The following AGPAT4 variants were observed in gnomAD, a reference collection of about 807,000 sequenced individuals.
AGPAT4 encodes 1-acylglycerol-3-phosphate O-acyltransferase 4, also known as 1-acyl-sn-glycerol-3-phosphate acyltransferase delta.
A neutral mutation model predicts 48.0 loss-of-function variants in AGPAT4; 15 were observed. The observed-to-expected ratio is 0.31, with a 90% confidence interval of 0.21 to 0.48. The LOEUF (loss-of-function observed/expected upper bound fraction) is 0.48, where lower values mean the gene tolerates loss of function less well. Ranked by LOEUF, AGPAT4 falls within the 20% of genes least tolerant of loss-of-function variation. The pLI, the probability that AGPAT4 is intolerant of heterozygous loss-of-function variation, is 0.99. For missense variants in AGPAT4, 314 were observed against 482.5 expected (o/e 0.65, Z 3.27); for synonymous variants, 178 against 198.7 (o/e 0.90, Z 0.88).
rs1431597617 is a variant in AGPAT4, at chr6:161,204,245, GTCTA to G, written c.178+27787_178+27790del. 6.6e-6 allele frequency among the ~76,000 whole-genome samples: 1 copy of G among 152,116 alleles called. No individual in the cohort carries two copies. Among genetic ancestry groups the G allele is most frequent in the African/African-American group, 2.4e-5 (1 of 41,432 alleles). On this transcript the variant is annotated intron_variant, in intron 2 of 8. Transcript: ENST00000320285. The surrounding 1 kb of genome is among the most constrained non-coding windows in gnomAD (Gnocchi z 4.4). The stretch of plus-strand genomic sequence containing the variant: ...GATTTGTGTGTTTATTAATAATTTT[GTCTA>G]TCTTTCTATATAAAGGTAGTGTATA...
At chr6:161,252,833 G>T (rs769790935) in intron 1 of AGPAT4, among the ~76,000 whole-genome samples, 15 of 151,828 alleles carry the variant, frequency 9.9e-5, no homozygotes, top group Admixed American at 2.0e-4. Context: ...ATACAATTAA[G>T]TCAGAACAGA....
Position 161,149,528 on chromosome 6 carries a change from A to T in AGPAT4, c.665-239T>A, listed in dbSNP as rs1779528524. On this transcript the variant is annotated intron_variant, in intron 5 of 8. Coordinates refer to ENST00000320285, the MANE Select transcript of AGPAT4 (RefSeq NM_020133.3). The surrounding 1 kb of genome is among the most constrained non-coding windows in gnomAD (Gnocchi z 6.5). ...AAAACAGGGTCATTGCTGAAGTCAG[A>T]TCATTTTTTTCTTTTCTTTCTTTTC... Among the ~76,000 whole-genome samples the T allele has an allele frequency of 6.6e-6, 1 of 152,060 alleles. No homozygotes were observed. The highest frequency in any genetic ancestry group is 1.9e-4 in the East Asian group (1 of 5,188).
intron 1 of AGPAT4, among the ~76,000 whole-genome samples, chr6:161,273,189 A>T (rs975608002): frequency 6.6e-6 from 1 of 152,230 alleles, no homozygotes; most frequent in African/African-American, 2.4e-5. Flanking sequence ...AAGACCAGAC[A>T]CTGAAGACTT....
rs3798921 is a variant in AGPAT4 at position 161,155,763 on chromosome 6, C to T, written c.349-1453G>A. The stretch of plus-strand genomic sequence containing the variant: ...CCGTGGGTGGGTGAACCCACTGGTG[C>T]GGGTGTGAGGGCTTACCGTGTGCTG... On this transcript the variant is annotated intron_variant, in intron 3 of 8. Transcript: ENST00000320285. The surrounding 1 kb of genome is among the most constrained non-coding windows in gnomAD (Gnocchi z 5.8). Among the ~76,000 whole-genome samples, 45,674 of 152,162 alleles carry T rather than the reference C, an allele frequency of 0.3. 8,705 individuals are homozygous for T. Among genetic ancestry groups the T allele is most frequent in the African/African-American group, 0.54 (22,551 of 41,496 alleles).
At position 161,139,809 on chromosome 6, in the gene AGPAT4, C is replaced by T. The variant is rs929485348; in HGVS notation, c.844-189G>A. ...CTGTCTTCTCAAAGCTGCATCTGGC[C>T]GCCCCTCCCACAGGGACACTGGGAG... On this transcript the variant is annotated intron_variant, in intron 7 of 8. Transcript: ENST00000320285. This position sits in a 1 kb window ranked among gnomAD's most constrained non-coding sequence, Gnocchi z 9.1. Among the ~76,000 whole-genome samples, 3 of 152,210 alleles carry T rather than the reference C, an allele frequency of 2.0e-5. No individual in the cohort carries two copies. Among genetic ancestry groups the T allele is most frequent in the Admixed American group, 6.5e-5 (1 of 15,290 alleles).
At position 161,259,480 on chromosome 6, in the gene AGPAT4, T is replaced by C. The variant is rs1783040566; in HGVS notation, c.-90+14458A>G. ...CTTTTGCAGGGCGGTCTGGAGTTGG[T>C]TGAGTCTAGAGTTAGTGAGTTTTCA... On this transcript the variant is annotated intron_variant, in intron 1 of 8. Coordinates refer to ENST00000320285, the MANE Select transcript of AGPAT4 (RefSeq NM_020133.3). This position sits in a 1 kb window ranked among gnomAD's most constrained non-coding sequence, Gnocchi z 4.9. Among the ~76,000 whole-genome samples the C allele has an allele frequency of 2.0e-5, 3 of 151,916 alleles. No individual in the cohort carries two copies. Among genetic ancestry groups the C allele is most frequent in the Admixed American group, 2.0e-4 (3 of 15,246 alleles).
rs116183038 is a variant in AGPAT4, at chr6:161,140,876, A to G, written c.844-1256T>C. On this transcript the variant is annotated intron_variant, in intron 7 of 8. Coordinates refer to ENST00000320285, the MANE Select transcript of AGPAT4 (RefSeq NM_020133.3). The surrounding 1 kb of genome is among the most constrained non-coding windows in gnomAD (Gnocchi z 6.5). ...CCGATAGCATGCACGCCACACAAAA[A>G]TGGGTGTGGGTCACAGTGAGGCCCA... Among the ~76,000 whole-genome samples, 1,226 of 152,286 alleles carry G rather than the reference A, an allele frequency of 8.1e-3. 14 individuals carry two copies. The highest frequency in any genetic ancestry group is 0.028 in the African/African-American group (1,166 of 41,542).
At position 161,221,689 on chromosome 6, in the gene AGPAT4, G is replaced by A. The variant is rs940285291; in HGVS notation, c.178+10347C>T. On this transcript the variant is annotated intron_variant, in intron 2 of 8. Coordinates refer to ENST00000320285, the MANE Select transcript of AGPAT4 (RefSeq NM_020133.3). The surrounding 1 kb of genome is among the most constrained non-coding windows in gnomAD (Gnocchi z 4.5). ...TTCTGGATTCCAGGAACCTCAGATC[G>A]GGGTGTTAGCAGGGTTGGTTCCTTC... 1.3e-5 allele frequency among the ~76,000 whole-genome samples: 2 copies of A among 152,294 alleles called. No homozygotes were observed. Among genetic ancestry groups the A allele is most frequent in the African/African-American group, 2.4e-5 (1 of 41,580 alleles).
intron 2 of AGPAT4, among the ~76,000 whole-genome samples, chr6:161,181,944 C>A (rs1027245600): frequency 2.0e-5 from 3 of 152,232 alleles, no homozygotes; most frequent in African/African-American, 7.2e-5. Flanking sequence ...CAGATACGTC[C>A]ACAGCACATG....
intron 5 of AGPAT4, among the ~76,000 whole-genome samples, chr6:161,150,256 G>A (rs1348039434): frequency 6.6e-6 from 1 of 152,190 alleles, no homozygotes; most frequent in Admixed American, 6.5e-5. Context: ...AGGAGGAACG[G>A]GTGGGAACCC....
rs1373840945 is a variant in AGPAT4, at chr6:161,234,823, C to A, written c.-89-2521G>T. 6.6e-6 allele frequency among the ~76,000 whole-genome samples: 1 copy of A among 151,902 alleles called. No individual in the cohort carries two copies. Among genetic ancestry groups the A allele is most frequent in the African/African-American group, 2.4e-5 (1 of 41,350 alleles). ...CGGAAATGCAGGGGGTTAAATGCTG[C>A]CTTCTTCAGTGTCCAGTTCAATATT... On this transcript the variant is annotated intron_variant, in intron 1 of 8. Transcript: ENST00000320285. The surrounding 1 kb of genome is among the most constrained non-coding windows in gnomAD (Gnocchi z 4.4).
chr6:161,224,586 G>T (rs1297596255), intron 2 of AGPAT4, among the ~76,000 whole-genome samples: 1 of 139,854 alleles, frequency 7.2e-6, no homozygotes, highest in Non-Finnish European at 1.5e-5. Flanking sequence ...AGGCTGCAGT[G>T]AACCGAGATT....
Position 161,154,084 on chromosome 6 carries a change from TG to T in AGPAT4, c.510+64del, listed in dbSNP as rs1562315239. ...AGTCACGTGTCCTGTGGAAGTCACA[TG>T]GGGGTCCCACGGTCACAGTCCTGCA... On this transcript the variant is annotated intron_variant, in intron 4 of 8. Transcript: ENST00000320285. The surrounding 1 kb of genome is among the most constrained non-coding windows in gnomAD (Gnocchi z 7.8). 1.2e-6 allele frequency: 2 copies of T among 1,605,464 alleles called. No homozygotes were observed. The highest frequency in any genetic ancestry group is 1.7e-5 in the Admixed American group (1 of 59,844).
rs1462722386 is a variant in AGPAT4 at position 161,189,279 on chromosome 6, G to T, written c.179-22862C>A. On this transcript the variant is annotated intron_variant, in intron 2 of 8. Transcript: ENST00000320285. This position sits in a 1 kb window ranked among gnomAD's most constrained non-coding sequence, Gnocchi z 5.3. ...GACTGTCCTGCCTCCTCCCCATCTGGCTCTTGTGGTGAAGTCTAATGAGTG... is the reference window on the plus strand; with the variant it reads ...GACTGTCCTGCCTCCTCCCCATCTGTCTCTTGTGGTGAAGTCTAATGAGTG... Among the ~76,000 whole-genome samples, 1 of 152,138 alleles carries T rather than the reference G, an allele frequency of 6.6e-6. No individual in the cohort carries two copies. Among genetic ancestry groups the T allele is most frequent in the Non-Finnish European group, 1.5e-5 (1 of 68,028 alleles).
chr6:161,216,934 C>G lies in AGPAT4; in HGVS notation c.178+15102G>C, dbSNP rs1050510436. Among the ~76,000 whole-genome samples, 2 of 152,182 alleles carry G rather than the reference C, an allele frequency of 1.3e-5. No homozygotes were observed. The highest frequency in any genetic ancestry group is 4.8e-5 in the African/African-American group (2 of 41,432). ...TGGGGACACAGCCAAACCTATCACC[C>G]AGTAATCCCTGCTTCTGTCTTAATT... On this transcript the variant is annotated intron_variant, in intron 2 of 8. Transcript: ENST00000320285. This position sits in a 1 kb window ranked among gnomAD's most constrained non-coding sequence, Gnocchi z 4.8.
At position 161,226,075 on chromosome 6, in the gene AGPAT4, A is replaced by G. The variant is rs1489981859; in HGVS notation, c.178+5961T>C. ...GAAGGCGATCACCATCTGGGAACTGATAAGGATGACTCTTTGGACCTTCAA... is the reference window on the plus strand; with the variant it reads ...GAAGGCGATCACCATCTGGGAACTGGTAAGGATGACTCTTTGGACCTTCAA... On this transcript the variant is annotated intron_variant, in intron 2 of 8. Transcript: ENST00000320285. This position sits in a 1 kb window ranked among gnomAD's most constrained non-coding sequence, Gnocchi z 6.3. Among the ~76,000 whole-genome samples the G allele has an allele frequency of 2.6e-5, 4 of 152,158 alleles. No homozygotes were observed. The highest frequency in any genetic ancestry group is 4.4e-5 in the Non-Finnish European group (3 of 68,018).
Position 161,158,294 on chromosome 6 carries a change from G to A in AGPAT4, c.349-3984C>T, listed in dbSNP as rs907367570. On this transcript the variant is annotated intron_variant, in intron 3 of 8. Coordinates refer to ENST00000320285, the MANE Select transcript of AGPAT4 (RefSeq NM_020133.3). The surrounding 1 kb of genome is among the most constrained non-coding windows in gnomAD (Gnocchi z 5.3). ...TCATGGCTTTCCCAGGCCACTCAGA[G>A]GCTTCCATGTGTGATGCCAACAGCT... Among the ~76,000 whole-genome samples, 3 of 152,132 alleles carry A rather than the reference G, an allele frequency of 2.0e-5. No homozygotes were observed. The highest frequency in any genetic ancestry group is 1.9e-4 in the East Asian group (1 of 5,196).
Position 161,169,966 on chromosome 6 carries a change from T to A in AGPAT4, c.179-3549A>T, listed in dbSNP as rs981502552. On this transcript the variant is annotated intron_variant, in intron 2 of 8. Coordinates refer to ENST00000320285, the MANE Select transcript of AGPAT4 (RefSeq NM_020133.3). This position sits in a 1 kb window ranked among gnomAD's most constrained non-coding sequence, Gnocchi z 5.0. ...AAGCAGCGGCTAGGCCTGCTACTGC[T>A]CCTCCTTCCCCTGGATCCCCGCCAG... is the stretch of plus-strand genomic sequence containing the variant. Among the ~76,000 whole-genome samples the A allele has an allele frequency of 2.0e-5, 3 of 152,160 alleles. No individual in the cohort carries two copies. Among genetic ancestry groups the A allele is most frequent in the African/African-American group, 7.2e-5 (3 of 41,442 alleles).
rs1782153147 is a variant in AGPAT4, at chr6:161,232,672, C to G, written c.-89-370G>C. ...AGTGACGGCTGCCCACAGGACAGGC[C>G]GCAAATCCGGCCTCCCCTCCTGCTG... On this transcript the variant is annotated intron_variant, in intron 1 of 8. Transcript: ENST00000320285. This position sits in a 1 kb window ranked among gnomAD's most constrained non-coding sequence, Gnocchi z 6.8. 6.6e-6 allele frequency among the ~76,000 whole-genome samples: 1 copy of G among 152,186 alleles called. No individual in the cohort carries two copies. The highest frequency in any genetic ancestry group is 6.5e-5 in the Admixed American group (1 of 15,286).
Sources: gnomAD v4.1 joint callset for allele counts (sites outside exome capture counted in the v4.1 genomes callset) on GRCh38, gnomAD v4.1.1 for gene constraint, Gnocchi (gnomAD v3.1) non-coding constraint, MANE v1.5 for transcripts, NCBI Gene and HGNC (gene_info 2026-07-23, HGNC 2026-07-21) for gene names.